The following FOCAD variants were observed in gnomAD, a reference collection of about 807,000 sequenced individuals.
FOCAD encodes the protein focadhesin, also known as KIAA1797.
In FOCAD, 198 loss-of-function variants were observed where a neutral mutation model predicts 225.6. That is an observed-to-expected ratio of 0.88 (90% confidence interval 0.78 to 0.99). The LOEUF is 0.99. Among genes scored for constraint, FOCAD ranks in the 50% least tolerant of loss-of-function variants. FOCAD has a pLI of 0.00. For missense variants in FOCAD, 2,713 were observed against 2,123.6 expected (o/e 1.28, Z -5.46); for synonymous variants, 897 against 755.0 (o/e 1.19, Z -3.08).
chr9:20,800,054 ATC>A (rs1431362786), intron 11 of FOCAD, among the ~76,000 whole-genome samples: 1 of 152,002 alleles, frequency 6.6e-6, no homozygotes, highest in Non-Finnish European at 1.5e-5. Context: ...TGGTGACAAA[ATC>A]TCTCAGCATT....
At chr9:20,699,596 G>A (rs1240437674) in intron 1 of FOCAD, among the ~76,000 whole-genome samples, 2 of 150,412 alleles carry the variant, frequency 1.3e-5, no homozygotes, top group African/African-American at 4.9e-5. Context: ...AGATACACTG[G>A]GCATGGTGGC....
intron 18 of FOCAD, among the ~76,000 whole-genome samples, chr9:20,873,370 CTG>C (rs1289791502): frequency 6.6e-6 from 1 of 152,164 alleles, no homozygotes; most frequent in Non-Finnish European, 1.5e-5. Flanking sequence ...ACCTGGAAGA[CTG>C]TGAGTATGCA....
At chr9:20,677,486 A>G (rs1191503935) in intron 2 of FOCAD, among the ~76,000 whole-genome samples, 1 of 152,202 alleles carries the variant, frequency 6.6e-6, no homozygotes, top group African/African-American at 2.4e-5. Flanking sequence ...GGGTTAATAT[A>G]GAAAATACAA....
chr9:20,748,277 A>G (rs571787072), intron 5 of FOCAD, among the ~76,000 whole-genome samples: 55 of 152,196 alleles, frequency 3.6e-4, no homozygotes, highest in African/African-American at 1.2e-3. Flanking sequence ...TGGACAGAAC[A>G]TATCATATAA....
intron 19 of FOCAD, among the ~76,000 whole-genome samples, chr9:20,880,643 T>C (rs777096317): frequency 2.0e-5 from 3 of 152,174 alleles, no homozygotes; most frequent in Non-Finnish European, 2.9e-5. Context: ...AGAATCTTGA[T>C]TGCATCTAGG....
chr9:20,764,965 C>G lies in FOCAD; in HGVS notation c.591C>G (p.Ala197=), dbSNP rs776916171. 8 of 1,613,960 alleles carry G rather than the reference C, an allele frequency of 5.0e-6. No homozygotes were observed. In the Admixed American group the frequency reaches 5.0e-5, roughly 10 times the overall value. Residue 197 remains alanine, a synonymous_variant, in exon 7 of 44, where the codon GCC becomes GCG. Transcript: ENST00000338382. ...QLQEYAKLRL[A]LLKVLLQPQV... ...AAGAATATGCTAAACTCCGACTAGC[C>G]CTGCTGAAAGTCTTACTTCAACCCC...
chr9:20,704,218 A>G (rs945227133), intron 1 of FOCAD, among the ~76,000 whole-genome samples: 9 of 152,218 alleles, frequency 5.9e-5, no homozygotes, highest in African/African-American at 2.2e-4. Flanking sequence ...TTAAGGACTC[A>G]AATACAGAGA....
In FOCAD at chr9:20,781,916, A is replaced by T; in HGVS notation, c.1184A>T (p.Asp395Val). 4 of 1,613,828 alleles carry T rather than the reference A, an allele frequency of 2.5e-6. No homozygotes were observed. Among genetic ancestry groups the T allele is most frequent in the Non-Finnish European group, 3.4e-6 (4 of 1,179,782 alleles). Reference protein sequence around the residue: ...LEMIQQECYRDDHQKLSYKLV... With the variant: ...LEMIQQECYRVDHQKLSYKLV... The stretch of plus-strand genomic sequence containing the variant: ...ATGATACAGCAGGAATGTTACAGAG[A>T]TGACCACCAAAAGGTAATGAATCTA... Residue 395 changes from aspartate to valine, a missense_variant, in exon 10 of 44, where the codon GAT (aspartate) becomes GTT (valine). Physicochemically the swap from Asp to Val is radical, Grantham distance 152 (BLOSUM62 -3). Coordinates refer to ENST00000338382, the MANE Select transcript of FOCAD (RefSeq NM_001375567.1).
intron 10 of FOCAD, among the ~76,000 whole-genome samples, chr9:20,783,929 G>A (rs1461013681): frequency 6.6e-6 from 1 of 152,110 alleles, no homozygotes; most frequent in Non-Finnish European, 1.5e-5. Context: ...TTAGCAAGAG[G>A]TGTTTAGTTA....
chr9:20,671,664 T>G (rs1822067571), intron 2 of FOCAD, among the ~76,000 whole-genome samples: 1 of 151,976 alleles, frequency 6.6e-6, no homozygotes. Context: ...AAAGAGAAAA[T>G]GAGTTACTGT....
intron 15 of FOCAD, among the ~76,000 whole-genome samples, chr9:20,832,865 G>T (rs923255119): frequency 6.6e-6 from 1 of 151,944 alleles, no homozygotes; most frequent in Non-Finnish European, 1.5e-5. Flanking sequence ...GGACACTTAG[G>T]TTGTTTCCAT....
In FOCAD at chr9:20,758,158, A is replaced by G. The variant is rs376491649; in HGVS notation, c.461A>G (p.Gln154Arg). 3.1e-6 allele frequency: 5 copies of G among 1,612,414 alleles called. No individual in the cohort carries two copies. The highest frequency in any genetic ancestry group is 4.2e-6 in the Non-Finnish European group (5 of 1,179,362). Residue 154 changes from glutamine (Q) to arginine (R), a missense_variant, in exon 6 of 44, where the codon CAG becomes CGG. Transcript: ENST00000338382. Reference protein sequence around the residue: ...RPDCWPVFLQQLTAFFQQCPE... With the variant: ...RPDCWPVFLQRLTAFFQQCPE... Reference sequence around the variant, plus strand: ...GATTGCTGGCCAGTGTTTTTGCAGCAGCTGACAGCGTTTTTCCAGCAGTGC... The same window carrying G: ...GATTGCTGGCCAGTGTTTTTGCAGCGGCTGACAGCGTTTTTCCAGCAGTGC...
chr9:20,741,988 A>C (rs1171498805), intron 5 of FOCAD, among the ~76,000 whole-genome samples: 2 of 152,166 alleles, frequency 1.3e-5, no homozygotes, highest in Non-Finnish European at 2.9e-5. Flanking sequence ...CATATGAGTG[A>C]CCCATTTAAA....
At chr9:20,995,444 C>A in intron 43 of FOCAD, 112 bp from the exon 44 acceptor site, 1 of 593,050 alleles carries the variant, frequency 1.7e-6, no homozygotes, top group Non-Finnish European at 2.9e-6. Flanking sequence ...ATCGATGGAA[C>A]TCCCTAGTCT....
At chr9:20,676,395 C>T (rs189594918) in intron 2 of FOCAD, among the ~76,000 whole-genome samples, 1 of 152,274 alleles carries the variant, frequency 6.6e-6, no homozygotes, top group East Asian at 1.9e-4. Context: ...AGAAGAACCT[C>T]CCTCAATTAC....
chr9:20,764,624 A>G (rs1441020203), intron 6 of FOCAD, among the ~76,000 whole-genome samples: 1 of 152,220 alleles, frequency 6.6e-6, no homozygotes, highest in Non-Finnish European at 1.5e-5. Context: ...GCAAATAGAG[A>G]CTGTCTTCAT....
chr9:20,939,696 ATTTTAT>A (rs1044095398), intron 28 of FOCAD, among the ~76,000 whole-genome samples: 3 of 142,392 alleles, frequency 2.1e-5, no homozygotes, highest in African/African-American at 7.7e-5. Flanking sequence ...ACCTTCTTTT[ATTTTAT>A]TTTTTTTTGT....
chr9:20,939,330 A>G (rs1042783721), intron 28 of FOCAD, among the ~76,000 whole-genome samples: 3 of 152,160 alleles, frequency 2.0e-5, no homozygotes, highest in African/African-American at 7.2e-5. Flanking sequence ...ATTGCCTTTT[A>G]CAACCTAGGA....
At chr9:20,731,701 TCTCCCTC>T (rs1013770419) in intron 4 of FOCAD, among the ~76,000 whole-genome samples, 6 of 152,112 alleles carry the variant, frequency 3.9e-5, no homozygotes, top group African/African-American at 1.4e-4. Context: ...CACCACAACC[TCTCCCTC>T]CCGGGTTCAA....
Sources: gnomAD v4.1 joint callset for allele counts (sites outside exome capture counted in the v4.1 genomes callset) on GRCh38, gnomAD v4.1.1 for gene constraint, MANE v1.5 for transcripts, NCBI Gene and HGNC (gene_info 2026-07-23, HGNC 2026-07-21) for gene names.